The following AKT3 variants were observed in gnomAD, a reference collection of about 807,000 sequenced individuals.
AKT3 encodes the protein AKT serine/threonine kinase 3, also known as RAC-gamma serine/threonine-protein kinase.
A neutral mutation model predicts 65.3 loss-of-function variants in AKT3; 15 were observed. The observed-to-expected ratio is 0.23, with a 90% CI of 0.15 to 0.35. The LOEUF (loss-of-function observed/expected upper bound fraction) is 0.35. Among genes scored for constraint, AKT3 ranks in the 10% least tolerant of loss-of-function variants. The probability of loss-of-function intolerance (pLI) is 1.00; values close to 1 mark genes in which losing one functional copy is unlikely to be tolerated. For missense variants in AKT3, 243 were observed against 576.5 expected (o/e 0.42, Z 5.92); for synonymous variants, 206 against 183.8 (o/e 1.12, Z -0.98).
At chr1:243,507,411 C>G (rs926535061) in intron 13 of AKT3, among the ~76,000 whole-genome samples, 2 of 152,220 alleles carry the variant, frequency 1.3e-5, no homozygotes, top group African/African-American at 2.4e-5. Context: ...CCTTGATATT[C>G]TTTAAAGCCA....
Position 243,850,159 on chromosome 1 carries a change from TCCCCTCCTGTCCTCCC to T in AKT3, c.-248_-233del, listed in dbSNP as rs1695709175. On this transcript the variant is annotated 5_prime_UTR_variant, in exon 1 of 14. Coordinates refer to ENST00000673466, the MANE Select transcript of AKT3 (RefSeq NM_005465.7). Reference sequence around the variant, plus strand: ...CTCGGGGGTCCCCCCTCCCTCCTCCTCCCCTCCTGTCCTCCCCCCACCCCACAGAGCCTCTGGCCTC... The same window carrying T: ...CTCGGGGGTCCCCCCTCCCTCCTCCTCCCACCCCACAGAGCCTCTGGCCTC... The T allele has an allele frequency of 6.6e-6, 1 of 151,644 alleles. No homozygotes were observed. The highest frequency in any genetic ancestry group is 2.7e-5 in the African/African-American group (1 of 37,492). 9.4% of individuals were successfully genotyped at this position (151,644 alleles called of 1,614,324 possible).
chr1:243,753,702 A>G (rs573443315), intron 2 of AKT3, among the ~76,000 whole-genome samples: 1 of 152,286 alleles, frequency 6.6e-6, no homozygotes, highest in East Asian at 1.9e-4. Context: ...ATTCCTCATC[A>G]AGACTCTCCA....
Position 243,512,443 on chromosome 1 carries a change from A to G in AKT3, c.1252-17T>C, listed in dbSNP as rs1364189944. On this transcript the variant is annotated splice_polypyrimidine_tract_variant and intron_variant, in intron 12 of 13. Transcript: ENST00000673466. ...AGGTACAAGCTGTAAAAAGAAAGAA[A>G]AAGAGTTTTATTAACTGATTTCAAT... 6.9e-7 allele frequency: 1 copy of G among 1,447,950 alleles called. No individual in the cohort carries two copies. The highest frequency in any genetic ancestry group is 1.4e-5 in the African/African-American group (1 of 69,776). 89.7% of individuals were successfully genotyped at this position (1,447,950 alleles called of 1,614,324 possible). A position where few individuals can be genotyped will look rare whatever the true frequency, so the allele number is the denominator to read the frequency against.
At chr1:243,544,245 G>GAAAA (rs377475491) in intron 12 of AKT3, among the ~76,000 whole-genome samples, 1 of 73,230 alleles carries the variant, frequency 1.4e-5, no homozygotes, top group African/African-American at 5.2e-5. Flanking sequence ...GGTAGTGGGG[G>GAAAA]AAAAAAAAAA....
intron 2 of AKT3, among the ~76,000 whole-genome samples, chr1:243,785,704 G>A (rs764555037): frequency 4.6e-5 from 7 of 152,106 alleles, no homozygotes; most frequent in Non-Finnish European, 1.0e-4. Flanking sequence ...GCAAACCTTC[G>A]GCCAAGCACC....
chr1:243,624,808 A>G (rs1232151619), intron 6 of AKT3: 2 of 208,000 alleles, frequency 9.6e-6, no homozygotes, highest in Admixed American at 8.8e-5. Context: ...CAGACTAACA[A>G]CAAACTTGCA....
intron 11 of AKT3, among the ~76,000 whole-genome samples, chr1:243,551,150 T>C (rs536732479): frequency 3.3e-5 from 5 of 152,104 alleles, no homozygotes; most frequent in Non-Finnish European, 7.4e-5. Flanking sequence ...ACCAAGAAAC[T>C]TGACTTCTAC....
At chr1:243,651,083 G>A (rs552838381) in intron 4 of AKT3, among the ~76,000 whole-genome samples, 2 of 152,290 alleles carry the variant, frequency 1.3e-5, no homozygotes, top group East Asian at 3.9e-4. Flanking sequence ...TCCTTGAGCA[G>A]TGGTTTGTAG....
chr1:243,705,131 A>T (rs539340738), intron 2 of AKT3, among the ~76,000 whole-genome samples: 36 of 152,348 alleles, frequency 2.4e-4, no homozygotes, highest in African/African-American at 8.4e-4. Flanking sequence ...TCTAATGCAT[A>T]ATGCATGAAC....
intron 6 of AKT3, among the ~76,000 whole-genome samples, chr1:243,630,445 A>G (rs1679523514): frequency 6.6e-6 from 1 of 152,254 alleles, no homozygotes; most frequent in Non-Finnish European, 1.5e-5. Flanking sequence ...CCTAGGACAG[A>G]TATTCCCACT....
At chr1:243,755,620 C>G (rs900254919) in intron 2 of AKT3, among the ~76,000 whole-genome samples, 3 of 152,144 alleles carry the variant, frequency 2.0e-5, no homozygotes, top group Non-Finnish European at 2.9e-5. Context: ...AGAAAACTCT[C>G]AAGATTCCCC....
At chr1:243,610,075 A>C (rs969377456) in intron 8 of AKT3, among the ~76,000 whole-genome samples, 2 of 152,230 alleles carry the variant, frequency 1.3e-5, no homozygotes, top group African/African-American at 4.8e-5. Flanking sequence ...CTAGATATCT[A>C]CCAGAGTGCC....
intron 2 of AKT3, among the ~76,000 whole-genome samples, chr1:243,717,281 G>A (rs745367820): frequency 2.6e-5 from 4 of 152,072 alleles, no homozygotes; most frequent in Admixed American, 6.6e-5. Context: ...CTAGGTAATC[G>A]AAATGTCTTC....
chr1:243,554,290 A>T (rs2220276), intron 10 of AKT3, among the ~76,000 whole-genome samples: 79,777 of 152,026 alleles, frequency 0.52, 24,172 homozygotes, highest in Non-Finnish European at 0.68. Context: ...CAATTATATC[A>T]ATGTTTGTTT....
intron 3 of AKT3, among the ~76,000 whole-genome samples, chr1:243,678,803 A>C (rs976389930): frequency 2.6e-5 from 4 of 152,188 alleles, no homozygotes; most frequent in Admixed American, 2.6e-4. Flanking sequence ...GTTGTTTATG[A>C]AAGGAAGTAA....
chr1:243,664,185 C>CT lies in AKT3; in HGVS notation c.284+586dup, dbSNP rs34578718. On this transcript the variant is annotated intron_variant, in intron 4 of 13. Coordinates refer to ENST00000673466, the MANE Select transcript of AKT3 (RefSeq NM_005465.7). ...AAAGGTAGTTTGGCTATAAAAATGTCTTTTTTTTTTTTTTTTTTTTTTTTT... is the reference window on the plus strand; with the variant it reads ...AAAGGTAGTTTGGCTATAAAAATGTCTTTTTTTTTTTTTTTTTTTTTTTTTT... Among the ~76,000 whole-genome samples the CT allele has an allele frequency of 8.3e-3, 497 of 60,012 alleles. 72 individuals are homozygous for CT. The highest frequency in any genetic ancestry group is 0.016 in the African/African-American group (251 of 16,092). The allele number at this position is 60,012 out of a possible 152,430, so 39.4% of individuals were successfully genotyped here. A position where few individuals can be genotyped will look rare whatever the true frequency, so the allele number is the denominator to read the frequency against.
chr1:243,638,502 A>G (rs772940899), intron 5 of AKT3, among the ~76,000 whole-genome samples: 1 of 151,994 alleles, frequency 6.6e-6, no homozygotes, highest in Non-Finnish European at 1.5e-5. Flanking sequence ...AAACTTCCAA[A>G]CTTTTGAAGG....
At chr1:243,692,398 C>G (rs1684750567) in intron 3 of AKT3, among the ~76,000 whole-genome samples, 1 of 152,110 alleles carries the variant, frequency 6.6e-6, no homozygotes, top group Admixed American at 6.5e-5. Flanking sequence ...AGCCCTTAGT[C>G]CTTATGACTA....
intron 2 of AKT3, among the ~76,000 whole-genome samples, chr1:243,837,731 G>C (rs1048683269): frequency 1.3e-5 from 2 of 152,096 alleles, no homozygotes; most frequent in African/African-American, 4.8e-5. Context: ...GAATAGTAGG[G>C]AATTTTTTCA....
Sources: allele counts gnomAD v4.1 joint callset (sites outside exome capture counted in the v4.1 genomes callset), GRCh38; gene constraint gnomAD v4.1.1; transcripts MANE v1.5; gene names NCBI Gene and HGNC (gene_info 2026-07-23, HGNC 2026-07-21).